The following DLG2 variants were observed in gnomAD, a reference collection of about 807,000 sequenced individuals.
DLG2 encodes the protein discs large MAGUK scaffold protein 2.
Under a neutral mutation model 132.5 loss-of-function variants are expected in DLG2, and 45 were observed. The observed-to-expected ratio is 0.34, with a 90% CI of 0.27 to 0.44. DLG2 has a LOEUF of 0.44. Among genes scored for constraint, DLG2 ranks in the 20% least tolerant of loss-of-function variants. The pLI is 1.00. For missense variants in DLG2, 1,045 were observed against 1,196.9 expected (o/e 0.87, Z 1.87); for synonymous variants, 424 against 419.6 (o/e 1.01, Z -0.13).
At chr11:84,307,140 A>G (rs1349755944) in intron 7 of DLG2, among the ~76,000 whole-genome samples, 1 of 152,226 alleles carries the variant, frequency 6.6e-6, no homozygotes, top group Non-Finnish European at 1.5e-5. Context: ...AAATGTGTAC[A>G]TTGATAACAT....
chr11:85,507,012 T>C (rs1428202796), intron 3 of DLG2, among the ~76,000 whole-genome samples: 1 of 152,186 alleles, frequency 6.6e-6, no homozygotes, highest in Non-Finnish European at 1.5e-5. Flanking sequence ...TAAAGTCTGT[T>C]TTATCAGACT....
intron 6 of DLG2, among the ~76,000 whole-genome samples, chr11:84,972,121 C>A (rs776457335): frequency 2.0e-5 from 3 of 152,106 alleles, no homozygotes; most frequent in Admixed American, 6.5e-5. Flanking sequence ...TTCTTATCAC[C>A]CTCTAATCAA....
chr11:85,304,813 C>T (rs974932492), intron 3 of DLG2, among the ~76,000 whole-genome samples: 3 of 152,172 alleles, frequency 2.0e-5, no homozygotes, highest in African/African-American at 7.2e-5. Flanking sequence ...AGAACAGCAG[C>T]ATCAGTAGAA....
intron 7 of DLG2, among the ~76,000 whole-genome samples, chr11:84,302,572 AT>A (rs1448807715): frequency 3.9e-5 from 6 of 152,196 alleles, no homozygotes; most frequent in Non-Finnish European, 8.8e-5. Flanking sequence ...ACAGAGACAG[AT>A]AAAAGGACTA....
intron 6 of DLG2, among the ~76,000 whole-genome samples, chr11:84,658,685 CCT>C (rs983958734): frequency 6.6e-6 from 1 of 151,970 alleles, no homozygotes; most frequent in Admixed American, 6.6e-5. Flanking sequence ...CACTTCCTCA[CCT>C]CTCTCTTGCT....
At chr11:83,973,413 G>T (rs1375747362) in intron 12 of DLG2, among the ~76,000 whole-genome samples, 1 of 152,064 alleles carries the variant, frequency 6.6e-6, no homozygotes, top group African/African-American at 2.4e-5. Context: ...TTACATTTGA[G>T]ATAAATTAGA....
intron 14 of DLG2, among the ~76,000 whole-genome samples, chr11:83,961,904 T>C (rs539223486): frequency 2.3e-4 from 35 of 152,142 alleles, no homozygotes; most frequent in African/African-American, 8.2e-4. Flanking sequence ...AAACATTCCA[T>C]TCCTTGGCTA....
chr11:83,638,439 G>T (rs2065433130), intron 18 of DLG2, among the ~76,000 whole-genome samples: 1 of 152,168 alleles, frequency 6.6e-6, no homozygotes, highest in Non-Finnish European at 1.5e-5. Flanking sequence ...CTCAAGATCT[G>T]TTGAGAAGAT....
intron 17 of DLG2, among the ~76,000 whole-genome samples, chr11:83,820,914 T>C (rs955755241): frequency 6.6e-6 from 1 of 152,156 alleles, no homozygotes; most frequent in East Asian, 1.9e-4. Context: ...GGTTGGCTCA[T>C]AGATGTCACA....
intron 7 of DLG2, among the ~76,000 whole-genome samples, chr11:84,415,711 A>G (rs1164703796): frequency 6.6e-6 from 1 of 152,164 alleles, no homozygotes; most frequent in Non-Finnish European, 1.5e-5. Context: ...GATAGTCAAG[A>G]TGGTAATCAG....
chr11:84,143,975 GT>G (rs1161274846), intron 9 of DLG2, among the ~76,000 whole-genome samples: 1 of 152,116 alleles, frequency 6.6e-6, no homozygotes, highest in African/African-American at 2.4e-5. Context: ...CAAGAGTGAG[GT>G]TTCCAAAATT....
At chr11:84,433,712 C>G (rs1230095195) in intron 7 of DLG2, among the ~76,000 whole-genome samples, 1 of 152,144 alleles carries the variant, frequency 6.6e-6, no homozygotes, top group Non-Finnish European at 1.5e-5. Flanking sequence ...AATTGCCAGG[C>G]ATTTAGGTCC....
intron 6 of DLG2, among the ~76,000 whole-genome samples, chr11:85,092,295 C>T (rs2068916575): frequency 6.6e-6 from 1 of 152,088 alleles, no homozygotes; most frequent in African/African-American, 2.4e-5. Flanking sequence ...TCCCAAAAGA[C>T]ACAATCTCAG....
chr11:85,220,641 T>A (rs748123422), intron 4 of DLG2, among the ~76,000 whole-genome samples: 64 of 148,234 alleles, frequency 4.3e-4, no homozygotes, highest in Middle Eastern at 3.5e-3. Context: ...AAAAAAAATA[T>A]ATATATATAT....
chr11:83,641,617 C>T (rs1302274061), intron 18 of DLG2, among the ~76,000 whole-genome samples: 6 of 152,104 alleles, frequency 3.9e-5, no homozygotes, highest in African/African-American at 4.8e-5. Context: ...ATTTGAGGAG[C>T]GTGGCTCCCC....
chr11:83,778,356 T>C (rs1259652247), intron 18 of DLG2, among the ~76,000 whole-genome samples: 3 of 152,184 alleles, frequency 2.0e-5, no homozygotes, highest in Admixed American at 2.0e-4. Context: ...GGTCTCCTTG[T>C]TGTCAAAATG....
chr11:83,824,335 T>C (rs543613379), intron 17 of DLG2, among the ~76,000 whole-genome samples: 9 of 152,224 alleles, frequency 5.9e-5, no homozygotes, highest in Non-Finnish European at 1.2e-4. Context: ...CCATGTTATA[T>C]TGGAAATAAT....
chr11:85,468,124 G>A (rs1259882232), intron 3 of DLG2, among the ~76,000 whole-genome samples: 2 of 152,006 alleles, frequency 1.3e-5, no homozygotes, highest in Non-Finnish European at 2.9e-5. Context: ...TTCTCTGATT[G>A]TAGTTTGTAT....
intron 2 of DLG2, among the ~76,000 whole-genome samples, chr11:85,619,390 A>C (rs1232399359): frequency 1.3e-5 from 2 of 152,198 alleles, no homozygotes; most frequent in Admixed American, 1.3e-4. Context: ...AACTTTAGTA[A>C]ATTGTCTATT....
Sources: allele counts gnomAD v4.1 joint callset (sites outside exome capture counted in the v4.1 genomes callset), GRCh38; gene constraint gnomAD v4.1.1; transcripts MANE v1.5; gene names NCBI Gene and HGNC (gene_info 2026-07-23, HGNC 2026-07-21).